NRXN1: variants seen among roughly 807,000 people sequenced by gnomAD.
NRXN1 encodes neurexin 1.
In NRXN1, 39 loss-of-function variants were observed where a neutral mutation model predicts 150.9. The observed-to-expected ratio is 0.26, with a 90% CI of 0.20 to 0.34. NRXN1 has a LOEUF of 0.34. Ranked by LOEUF, NRXN1 falls within the 10% of genes least tolerant of loss-of-function variation. The pLI is 1.00. For missense variants in NRXN1, 1,815 were observed against 1,949.9 expected (o/e 0.93, Z 1.30); for synonymous variants, 924 against 757.0 (o/e 1.22, Z -3.62).
At chr2:50,206,315 T>C (rs2062573905) in intron 18 of NRXN1, among the ~76,000 whole-genome samples, 1 of 151,938 alleles carries the variant, frequency 6.6e-6, no homozygotes, top group Non-Finnish European at 1.5e-5. Flanking sequence ...GGACAGGTTG[T>C]TGTAAACAAA....
intron 15 of NRXN1, among the ~76,000 whole-genome samples, chr2:50,490,382 T>C (rs575689356): frequency 2.0e-5 from 3 of 152,250 alleles, no homozygotes; most frequent in South Asian, 2.1e-4. Flanking sequence ...TTCCAACCCA[T>C]AGTCTCCTTC....
chr2:50,208,816 C>T (rs560041911), intron 18 of NRXN1, among the ~76,000 whole-genome samples: 2 of 152,212 alleles, frequency 1.3e-5, no homozygotes, highest in South Asian at 2.1e-4. Context: ...TCTTTCAAAA[C>T]GTGCTAACAT....
chr2:50,479,451 A>T lies in NRXN1; in HGVS notation c.3071-6980T>A, dbSNP rs1307810165. Among the ~76,000 whole-genome samples the T allele has an allele frequency of 2.0e-5, 3 of 152,212 alleles. No homozygotes were observed. The East Asian group carries it at 5.8e-4, about 29-fold the overall frequency. The stretch of plus-strand genomic sequence containing the variant: ...CATAAAAAATTGAACCCCTTTTCTG[A>T]AAATGATTTTATCTTTTTCAGTTCT... On this transcript the variant is annotated intron_variant, in intron 15 of 22. Transcript: ENST00000401669.
At chr2:50,296,518 C>CTATTATTATTATTATTAT (rs70946899) in intron 17 of NRXN1, among the ~76,000 whole-genome samples, 9,555 of 147,948 alleles carry the variant, frequency 0.065, 399 homozygotes, top group Middle Eastern at 0.12. Flanking sequence ...TGCTTAGCTT[C>CTATTATTATTATTATTAT]TATTATTATT....
intron 2 of NRXN1, among the ~76,000 whole-genome samples, chr2:50,943,037 G>A (rs1223563910): frequency 6.6e-6 from 1 of 152,062 alleles, no homozygotes; most frequent in Non-Finnish European, 1.5e-5. Context: ...TGCTCTTCTG[G>A]TGATAGAATT....
intron 17 of NRXN1, among the ~76,000 whole-genome samples, chr2:50,276,066 A>G (rs575468611): frequency 1.3e-5 from 2 of 151,120 alleles, no homozygotes; most frequent in South Asian, 4.2e-4. Flanking sequence ...GGAAATATTT[A>G]AAGGAAAGTA....
At chr2:50,783,314 C>T (rs775639101) in intron 5 of NRXN1, among the ~76,000 whole-genome samples, 9 of 152,120 alleles carry the variant, frequency 5.9e-5, no homozygotes, top group Non-Finnish European at 1.3e-4. Flanking sequence ...CCTTCTGGTG[C>T]TCAGCCAGCA....
chr2:50,685,840 G>A (rs897577181), intron 5 of NRXN1, among the ~76,000 whole-genome samples: 6 of 152,046 alleles, frequency 3.9e-5, no homozygotes, highest in African/African-American at 1.4e-4. Flanking sequence ...GAAAATCATA[G>A]CAAACTGGTT....
intron 17 of NRXN1, among the ~76,000 whole-genome samples, chr2:50,281,012 A>T (rs2071361517): frequency 6.6e-6 from 1 of 151,982 alleles, no homozygotes; most frequent in Admixed American, 6.6e-5. Context: ...TTTATTAAAA[A>T]ATCCATAATA....
chr2:50,135,265 C>T (rs555826055), intron 18 of NRXN1, among the ~76,000 whole-genome samples: 1 of 152,186 alleles, frequency 6.6e-6, no homozygotes, highest in Non-Finnish European at 1.5e-5. Context: ...GAAACACTTT[C>T]CACAAGTCAT....
intron 21 of NRXN1, chr2:50,023,244 C>G (rs1394180736): frequency 6.6e-6 from 1 of 152,158 alleles, no homozygotes; most frequent in African/African-American, 2.4e-5. Context: ...AGGTGCTGCT[C>G]TTTCCTAAAT....
At chr2:50,354,550 CATACATAT>C (rs1348688114) in intron 17 of NRXN1, among the ~76,000 whole-genome samples, 6 of 66,256 alleles carry the variant, frequency 9.1e-5, no homozygotes, top group Admixed American at 3.7e-4. Flanking sequence ...GTCTAGAGTG[CATACATAT>C]ATATATATAT....
At chr2:50,046,869 A>G (rs988618191) in intron 21 of NRXN1, among the ~76,000 whole-genome samples, 1 of 152,214 alleles carries the variant, frequency 6.6e-6, no homozygotes, top group Admixed American at 6.5e-5. Context: ...GCATGGAACC[A>G]TATTTATAGG....
At chr2:50,435,783 C>A (rs1277725162) in intron 17 of NRXN1, among the ~76,000 whole-genome samples, 1 of 152,064 alleles carries the variant, frequency 6.6e-6, no homozygotes, top group Non-Finnish European at 1.5e-5. Flanking sequence ...AAGGGAACGA[C>A]AGACACTGGG....
intron 17 of NRXN1, among the ~76,000 whole-genome samples, chr2:50,277,437 C>G (rs1396392150): frequency 7.6e-6 from 1 of 131,102 alleles, no homozygotes; most frequent in Non-Finnish European, 1.7e-5. Flanking sequence ...CCCTCCCTTC[C>G]TCCTTCCCTC....
chr2:50,323,181 TATA>T (rs2076162407), intron 17 of NRXN1, among the ~76,000 whole-genome samples: 1 of 152,170 alleles, frequency 6.6e-6, no homozygotes, highest in African/African-American at 2.4e-5. Flanking sequence ...AGTAATACAT[TATA>T]ATAGTAGCTC....
At chr2:50,174,834 C>T (rs866727077) in intron 18 of NRXN1, 1 of 152,194 alleles carries the variant, frequency 6.6e-6, no homozygotes, top group Middle Eastern at 3.4e-3. Context: ...AGAAGAACAA[C>T]AGAACCAGTC....
chr2:50,675,576 C>T (rs1689435201), intron 5 of NRXN1, among the ~76,000 whole-genome samples: 1 of 152,130 alleles, frequency 6.6e-6, no homozygotes, highest in Admixed American at 6.6e-5. Flanking sequence ...TTTGGGACAA[C>T]AGTGAAATAT....
At chr2:50,976,562 T>C (rs917170465) in intron 2 of NRXN1, among the ~76,000 whole-genome samples, 3 of 151,992 alleles carry the variant, frequency 2.0e-5, no homozygotes, top group Admixed American at 1.3e-4. Context: ...TAATGTAAAT[T>C]TGGAATCTTC....
Sources: allele counts gnomAD v4.1 joint callset (sites outside exome capture counted in the v4.1 genomes callset), GRCh38; gene constraint gnomAD v4.1.1; transcripts MANE v1.5; gene names NCBI Gene and HGNC (gene_info 2026-07-23, HGNC 2026-07-21).